Variants in ABCC1 observed in about 807,000 individuals in gnomAD.
ABCC1 encodes the protein ATP binding cassette subfamily C member 1 (ABCC1 blood group).
In ABCC1, 83 loss-of-function variants were observed where a neutral mutation model predicts 172.9. That is an observed-to-expected ratio of 0.48 (90% CI 0.40 to 0.58). The LOEUF is 0.58. Ranked by LOEUF, ABCC1 falls within the 20% of genes least tolerant of loss-of-function variation. The pLI is 0.00. For missense variants in ABCC1, 1,817 were observed against 2,002.7 expected, an observed-to-expected ratio of 0.91 and a Z score of 1.77; for synonymous variants, 937 against 825.2, an observed-to-expected ratio of 1.14 and a Z score of -2.32.
intron 1 of ABCC1, among the ~76,000 whole-genome samples, chr16:15,963,133 G>C (rs1394934839): frequency 6.6e-6 from 1 of 152,236 alleles, no homozygotes; most frequent in East Asian, 1.9e-4. Flanking sequence ...ATGCAAGTCT[G>C]AAATCCAATA....
chr16:16,041,504 A>G (rs1311965795), intron 7 of ABCC1, among the ~76,000 whole-genome samples: 1 of 152,060 alleles, frequency 6.6e-6, no homozygotes, highest in African/African-American at 2.4e-5. Context: ...TACTTGGGAC[A>G]TTGGTAGACG....
Position 16,090,412 on chromosome 16 carries a change from T to C in ABCC1, c.2468T>C (p.Ile823Thr). The change falls in exon 19 of 31, where the codon ATC (isoleucine) becomes ACC (threonine). Residue 823 changes from isoleucine (I) to threonine (T), a missense_variant. Ile to Thr is a moderately conservative substitution (Grantham distance 89, BLOSUM62 -1). Transcript: ENST00000399410. ...TGTCCCCTTTGCCCACAGACGCGGA[T>C]CTTGGTCACGCACAGCATGAGCTAC... is the stretch of plus-strand genomic sequence containing the variant. ...PKGMLKNKTR[I>T]LVTHSMSYLP... 1 of 1,596,464 alleles carries C rather than the reference T, an allele frequency of 6.3e-7. No individual in the cohort carries two copies. Among genetic ancestry groups the C allele is most frequent in the Non-Finnish European group, 8.6e-7 (1 of 1,168,438 alleles).
intron 1 of ABCC1, among the ~76,000 whole-genome samples, chr16:15,974,017 T>C (rs2046429574): frequency 6.6e-6 from 1 of 152,088 alleles, no homozygotes; most frequent in Non-Finnish European, 1.5e-5. Flanking sequence ...ATTCAAGATA[T>C]GTCCCTTATA....
chr16:16,068,120 G>C lies in ABCC1; in HGVS notation c.1678-36G>C, dbSNP rs541870438. 3.1e-6 allele frequency: 5 copies of C among 1,612,986 alleles called. No individual in the cohort carries two copies. The East Asian group carries it at 8.9e-5, about 29-fold the overall frequency. On this transcript the variant is annotated intron_variant, in intron 12 of 30. Transcript: ENST00000399410. ...CTCCTAGGATGATGACTCTCACTCG[G>C]GGCACAGCAGTCAGCACTGGGCGTT...
intron 4 of ABCC1, among the ~76,000 whole-genome samples, chr16:16,015,912 G>T (rs2047975939): frequency 1.3e-5 from 2 of 152,148 alleles, no homozygotes. Context: ...GCACAGAAAG[G>T]TTAAATAAGT....
chr16:16,059,202 A>G (rs1376414705), intron 12 of ABCC1, among the ~76,000 whole-genome samples: 1 of 152,160 alleles, frequency 6.6e-6, no homozygotes, highest in East Asian at 1.9e-4. Context: ...GCCCAGATCC[A>G]CTGAAACGGA....
intron 5 of ABCC1, among the ~76,000 whole-genome samples, chr16:16,027,249 TG>T (rs2048406207): frequency 6.6e-6 from 1 of 152,204 alleles, no homozygotes; most frequent in African/African-American, 2.4e-5. Flanking sequence ...TGGAAAGGGC[TG>T]GCTGATAAAT....
At chr16:16,122,306 GC>G (rs1254096491) in intron 24 of ABCC1, 132 bp downstream of exon 24, 16 of 942,872 alleles carry the variant, frequency 1.7e-5, no homozygotes, top group Non-Finnish European at 2.5e-5. Flanking sequence ...GGATGGAGAG[GC>G]TTGATGAGCG....
intron 5 of ABCC1, among the ~76,000 whole-genome samples, chr16:16,022,274 A>G (rs1029429486): frequency 5.3e-5 from 8 of 152,032 alleles, no homozygotes; most frequent in African/African-American, 1.4e-4. Flanking sequence ...TCAGATGTCT[A>G]TTCCAGCCCT....
chr16:16,065,191 G>A (rs1182074047), intron 12 of ABCC1, among the ~76,000 whole-genome samples: 1 of 152,154 alleles, frequency 6.6e-6, no homozygotes, highest in Non-Finnish European at 1.5e-5. Context: ...CAAATCAGCT[G>A]GGCCTTGGGA....
intron 5 of ABCC1, among the ~76,000 whole-genome samples, chr16:16,020,312 G>A (rs1378937320): frequency 6.6e-6 from 1 of 152,156 alleles, no homozygotes; most frequent in Non-Finnish European, 1.5e-5. Flanking sequence ...ACCTGTCCAG[G>A]AGAGAACACT....
intron 22 of ABCC1, among the ~76,000 whole-genome samples, chr16:16,113,260 T>A (rs1480513261): frequency 6.6e-6 from 1 of 152,118 alleles, no homozygotes; most frequent in Admixed American, 6.6e-5. Context: ...AGAGAGGGTG[T>A]GGTATTACCT....
At chr16:16,035,739 C>T (rs1462336785) in intron 6 of ABCC1, among the ~76,000 whole-genome samples, 1 of 151,812 alleles carries the variant, frequency 6.6e-6, no homozygotes, top group Non-Finnish European at 1.5e-5. Context: ...ACAAAATCCT[C>T]CCACCTCGGC....
chr16:16,131,815 T>A lies in ABCC1; in HGVS notation c.3846T>A (p.Ala1282=). ...KEAPWQIQET[A]PPSSWPQVGR... ...CGCCCTGGCAAATCCAGGAGACAGCTCCGCCCAGCAGCTGGCCCCAGGTGG... is the reference window on the plus strand; with the variant it reads ...CGCCCTGGCAAATCCAGGAGACAGCACCGCCCAGCAGCTGGCCCCAGGTGG... Residue 1282 remains alanine (A), a synonymous_variant, in exon 27 of 31, where the codon GCT becomes GCA. Coordinates refer to ENST00000399410, the MANE Select transcript of ABCC1 (RefSeq NM_004996.4). The A allele has an allele frequency of 6.2e-7, 1 of 1,614,032 alleles. No homozygotes were observed. The highest frequency in any genetic ancestry group is 8.5e-7 in the Non-Finnish European group (1 of 1,179,988).
chr16:16,062,047 G>A (rs1008498767), intron 12 of ABCC1, among the ~76,000 whole-genome samples: 3 of 152,134 alleles, frequency 2.0e-5, no homozygotes, highest in Admixed American at 1.3e-4. Flanking sequence ...TGCTGGGATT[G>A]TAGGTATGAG....
At chr16:16,010,824 A>G (rs45454903) in intron 3 of ABCC1, among the ~76,000 whole-genome samples, 46 of 152,302 alleles carry the variant, frequency 3.0e-4, no homozygotes, top group Middle Eastern at 3.4e-3. Context: ...CACACCACTA[A>G]TGTGCAGCCG....
At chr16:16,001,546 C>T (rs2047310379) in intron 1 of ABCC1, among the ~76,000 whole-genome samples, 1 of 151,998 alleles carries the variant, frequency 6.6e-6, no homozygotes, top group South Asian at 2.1e-4. Flanking sequence ...AAGTTGTTTC[C>T]CAGCAGAAGA....
intron 5 of ABCC1, among the ~76,000 whole-genome samples, chr16:16,017,146 T>C (rs1346446772): frequency 6.6e-6 from 1 of 152,320 alleles, no homozygotes; most frequent in Non-Finnish European, 1.5e-5. Context: ...TCTGTAAATA[T>C]GGAAACTTAT....
chr16:16,100,362 AGC>A (rs869027784), intron 19 of ABCC1, among the ~76,000 whole-genome samples: 10 of 6,770 alleles, frequency 1.5e-3, no homozygotes, highest in Admixed American at 3.1e-3. Flanking sequence ...CTGGTAGGAG[AGC>A]GGGGGGGCTC....
Sources: allele counts gnomAD v4.1 joint callset (sites outside exome capture counted in the v4.1 genomes callset), GRCh38; gene constraint gnomAD v4.1.1; transcripts MANE v1.5; gene names NCBI Gene and HGNC (gene_info 2026-07-23, HGNC 2026-07-21).